Variants in GRID2 observed in about 807,000 individuals in gnomAD.
GRID2 encodes glutamate receptor ionotropic, delta-2.
A neutral mutation model predicts 114.8 loss-of-function variants in GRID2; 33 were observed. The observed-to-expected ratio is 0.29, with a 90% CI of 0.22 to 0.38. The LOEUF (loss-of-function observed/expected upper bound fraction) is 0.38. GRID2 is among the 10% of genes least tolerant of loss of function. The probability of loss-of-function intolerance (pLI) is 1.00; values close to 1 mark genes in which losing one functional copy is unlikely to be tolerated. For missense variants in GRID2, 1,184 were observed against 1,257.7 expected (o/e 0.94, Z 0.89); for synonymous variants, 505 against 449.9 (o/e 1.12, Z -1.55).
intron 1 of GRID2, among the ~76,000 whole-genome samples, chr4:92,488,859 A>G (rs533143919): frequency 3.3e-5 from 5 of 152,292 alleles, no homozygotes; most frequent in Admixed American, 2.6e-4. Context: ...TCTTTGGGGA[A>G]TAGACATGCT....
At chr4:93,121,495 T>A (rs1733778725) in intron 4 of GRID2, among the ~76,000 whole-genome samples, 2 of 152,308 alleles carry the variant, frequency 1.3e-5, no homozygotes, top group South Asian at 2.1e-4. Flanking sequence ...GTAGAAAAAA[T>A]TCATTCATTT....
At chr4:92,532,317 A>C (rs1393572852) in intron 1 of GRID2, among the ~76,000 whole-genome samples, 1 of 152,154 alleles carries the variant, frequency 6.6e-6, no homozygotes, top group African/African-American at 2.4e-5. Flanking sequence ...TGTATGCAAG[A>C]AGTTGAGGAA....
intron 11 of GRID2, among the ~76,000 whole-genome samples, chr4:93,471,391 C>A (rs1441707091): frequency 1.3e-5 from 2 of 152,062 alleles, no homozygotes. Context: ...TAGTTTTTAT[C>A]CCTCAGTTTT....
At chr4:92,708,135 C>T (rs1236711564) in intron 2 of GRID2, among the ~76,000 whole-genome samples, 2 of 152,092 alleles carry the variant, frequency 1.3e-5, no homozygotes, top group Non-Finnish European at 2.9e-5. Context: ...TAGGAGTCCA[C>T]ATAGTCCAGG....
intron 2 of GRID2, among the ~76,000 whole-genome samples, chr4:92,793,084 T>G (rs2149366128): frequency 6.6e-6 from 1 of 151,916 alleles, no homozygotes; most frequent in Non-Finnish European, 1.5e-5. Context: ...AATTTGTTTC[T>G]GTGTTCATTT....
intron 14 of GRID2, among the ~76,000 whole-genome samples, chr4:93,672,477 T>C (rs1330946656): frequency 1.3e-5 from 2 of 152,234 alleles, no homozygotes; most frequent in African/African-American, 4.8e-5. Context: ...ACTTTAAAAT[T>C]TGATAGTTTG....
intron 8 of GRID2, among the ~76,000 whole-genome samples, chr4:93,328,074 C>T (rs374546745): frequency 4.6e-5 from 7 of 151,722 alleles, no homozygotes; most frequent in East Asian, 1.9e-4. Flanking sequence ...AGCACTTTCG[C>T]GCCACTGCAC....
chr4:93,175,375 T>G (rs1036196805), intron 4 of GRID2, among the ~76,000 whole-genome samples: 1 of 152,164 alleles, frequency 6.6e-6, no homozygotes, highest in Non-Finnish European at 1.5e-5. Context: ...TTCATCATGT[T>G]GGCCAGGCTG....
chr4:92,998,690 T>A (rs1340691659), intron 2 of GRID2, among the ~76,000 whole-genome samples: 1 of 151,828 alleles, frequency 6.6e-6, no homozygotes, highest in Non-Finnish European at 1.5e-5. Flanking sequence ...GTCAGATTTT[T>A]TTTTTTCAAG....
chr4:93,741,201 G>GATA (rs1731384534), intron 14 of GRID2, among the ~76,000 whole-genome samples: 1 of 53,736 alleles, frequency 1.9e-5, no homozygotes, highest in Non-Finnish European at 3.0e-5. Flanking sequence ...ATATATATAT[G>GATA]TATATATATA....
At chr4:92,501,068 C>T (rs906198036) in intron 1 of GRID2, among the ~76,000 whole-genome samples, 1 of 152,088 alleles carries the variant, frequency 6.6e-6, no homozygotes, top group African/African-American at 2.4e-5. Context: ...TCTGCCAACC[C>T]CTGAAGATTC....
chr4:93,690,046 G>A (rs1350989517), intron 14 of GRID2, among the ~76,000 whole-genome samples: 1 of 151,914 alleles, frequency 6.6e-6, no homozygotes, highest in Non-Finnish European at 1.5e-5. Flanking sequence ...ATAATTCCAT[G>A]TATAATTTTA....
rs1478512556 is a variant in GRID2, at chr4:92,740,686, TAGATGATA to T, written c.244+150401_244+150408del. Among the ~76,000 whole-genome samples, 575 of 76,432 alleles carry T rather than the reference TAGATGATA, an allele frequency of 7.5e-3. 2 individuals carry two copies. Among genetic ancestry groups the T allele is most frequent in the African/African-American group, 0.02 (449 of 23,016 alleles). 50.1% of individuals were successfully genotyped at this position (76,432 alleles called of 152,430 possible). A position where few individuals can be genotyped will look rare whatever the true frequency, so the allele number is the denominator to read the frequency against. On this transcript the variant is annotated intron_variant, in intron 2 of 15. Coordinates refer to ENST00000282020, the MANE Select transcript of GRID2 (RefSeq NM_001510.4). ...TGTTTATTCTGCATAGATAGATAGATAGATGATAGATAGATAGATAGATAGATAGATAG... is the reference window on the plus strand; with the variant it reads ...TGTTTATTCTGCATAGATAGATAGATGATAGATAGATAGATAGATAGATAG...
chr4:92,527,986 G>C (rs1022354868), intron 1 of GRID2, among the ~76,000 whole-genome samples: 2 of 151,902 alleles, frequency 1.3e-5, no homozygotes, highest in African/African-American at 2.4e-5. Flanking sequence ...CAGTAATAAT[G>C]CTAAAGATAA....
chr4:92,343,087 A>G lies in GRID2; in HGVS notation c.88+38343A>G, dbSNP rs144625717. Among the ~76,000 whole-genome samples, 1,083 of 152,246 alleles carry G rather than the reference A, an allele frequency of 7.1e-3. 12 individuals carry two copies. Among genetic ancestry groups the G allele is most frequent in the African/African-American group, 0.025 (1,024 of 41,536 alleles). ...ATATTTCGCTATAATGCAAAAATAA[A>G]TTTAATTTATCATTTCTTATTTAAG... On this transcript the variant is annotated intron_variant, in intron 1 of 15. Transcript: ENST00000282020.
At chr4:92,806,514 A>G (rs975237686) in intron 2 of GRID2, among the ~76,000 whole-genome samples, 1 of 151,714 alleles carries the variant, frequency 6.6e-6, no homozygotes, top group Non-Finnish European at 1.5e-5. Flanking sequence ...TTCTGTCTCC[A>G]CTATTACAAT....
intron 2 of GRID2, chr4:92,833,819 T>G (rs1409353705): frequency 6.6e-6 from 1 of 152,252 alleles, no homozygotes; most frequent in East Asian, 1.9e-4. Flanking sequence ...AACAGGCTCC[T>G]GCATAGCACT....
chr4:92,512,084 T>A (rs1437529358), intron 1 of GRID2, among the ~76,000 whole-genome samples: 1 of 151,800 alleles, frequency 6.6e-6, no homozygotes, highest in Non-Finnish European at 1.5e-5. Flanking sequence ...GTAGGTACTT[T>A]ACTCACTGTG....
intron 8 of GRID2, among the ~76,000 whole-genome samples, chr4:93,327,218 CA>C (rs1757927968): frequency 6.6e-6 from 1 of 152,114 alleles, no homozygotes; most frequent in Non-Finnish European, 1.5e-5. Context: ...CCTTTTGCTC[CA>C]GATCATTTAT....
Sources: gnomAD v4.1 joint callset for allele counts (sites outside exome capture counted in the v4.1 genomes callset) on GRCh38, gnomAD v4.1.1 for gene constraint, MANE v1.5 for transcripts, NCBI Gene and HGNC (gene_info 2026-07-23, HGNC 2026-07-21) for gene names.